Variants in RECK observed in about 807,000 individuals in gnomAD.
RECK encodes the protein reversion-inducing cysteine-rich protein with Kazal motifs.
Under a neutral mutation model 115.1 loss-of-function variants are expected in RECK, and 69 were observed. That is an observed-to-expected ratio of 0.60 (90% CI 0.49 to 0.73). The LOEUF is 0.73. Among genes scored for constraint, RECK ranks in the 30% least tolerant of loss-of-function variants. The pLI, the probability that RECK is intolerant of heterozygous loss-of-function variation, is 0.00. For missense variants in RECK, 1,047 were observed against 1,203.7 expected (o/e 0.87, Z 1.93); for synonymous variants, 414 against 419.7 (o/e 0.99, Z 0.17).
In RECK at chr9:36,037,111, C is replaced by T; in HGVS notation, c.100+13C>T. ...CCGGGCAGTGCGGGTGAGTAACCTC[C>T]AGAGCAACGGTTCGAAGCTGTCGGG... On this transcript the variant is annotated intron_variant, in intron 1 of 20. Coordinates refer to ENST00000377966, the MANE Select transcript of RECK (RefSeq NM_021111.3). 7.7e-7 allele frequency: 1 copy of T among 1,293,048 alleles called. No individual in the cohort carries two copies. The highest frequency in any genetic ancestry group is 2.4e-5 in the South Asian group (1 of 41,708). 80.1% of individuals were successfully genotyped at this position (1,293,048 alleles called of 1,614,324 possible).
intron 12 of RECK, among the ~76,000 whole-genome samples, chr9:36,103,850 A>T (rs1823655778): frequency 6.6e-6 from 1 of 152,136 alleles, no homozygotes; most frequent in Non-Finnish European, 1.5e-5. Flanking sequence ...AATGAGATGA[A>T]CTCCAAGGGC....
intron 1 of RECK, among the ~76,000 whole-genome samples, chr9:36,048,494 A>T (rs1821160211): frequency 6.6e-6 from 1 of 152,094 alleles, no homozygotes; most frequent in South Asian, 2.1e-4. Context: ...CTATTTTCCA[A>T]AGTGGCTGTT....
intron 1 of RECK, among the ~76,000 whole-genome samples, chr9:36,038,084 G>A (rs1204672227): frequency 6.6e-6 from 1 of 151,306 alleles, no homozygotes; most frequent in Non-Finnish European, 1.5e-5. Context: ...AGGTGGAGGC[G>A]GGCGGATCCC....
intron 5 of RECK, among the ~76,000 whole-genome samples, chr9:36,065,228 T>TAAAAAAA (rs561725701): frequency 0.029 from 1,458 of 50,516 alleles, 150 homozygotes; most frequent in Non-Finnish European, 0.044. Context: ...GGAATTCAGC[T>TAAAAAAA]AAAAAAAAAA....
intron 1 of RECK, among the ~76,000 whole-genome samples, chr9:36,037,423 G>T (rs888070670): frequency 6.6e-6 from 1 of 151,826 alleles, no homozygotes; most frequent in Non-Finnish European, 1.5e-5. Flanking sequence ...CCCCCGCCCA[G>T]GATCGTCGCG....
intron 16 of RECK, among the ~76,000 whole-genome samples, chr9:36,115,272 G>A (rs7045313): frequency 6.6e-6 from 1 of 151,794 alleles, no homozygotes; most frequent in Non-Finnish European, 1.5e-5. Context: ...CTGAGATCAC[G>A]CCACTGCCCT....
chr9:36,097,485 C>G (rs1823399231), intron 10 of RECK, among the ~76,000 whole-genome samples: 1 of 152,080 alleles, frequency 6.6e-6, no homozygotes, highest in Non-Finnish European at 1.5e-5. Context: ...TGAACTATCC[C>G]TTCACGTGTT....
At chr9:36,092,581 G>A (rs1049765560) in intron 10 of RECK, among the ~76,000 whole-genome samples, 4 of 139,966 alleles carry the variant, frequency 2.9e-5, no homozygotes, top group African/African-American at 8.0e-5. Context: ...TAGTAGAGAC[G>A]GGGCTTCACC....
At chr9:36,120,977 C>T (rs1001198808) in intron 19 of RECK, among the ~76,000 whole-genome samples, 1 of 152,234 alleles carries the variant, frequency 6.6e-6, no homozygotes, top group Admixed American at 6.5e-5. Context: ...TCAGCGTGAG[C>T]CTTTCTTAGA....
Position 36,116,993 on chromosome 9 carries a change from C to A in RECK, c.2069C>A (p.Pro690His), listed in dbSNP as rs1421935987. The change falls in exon 17 of 21, where the codon CCC (proline) becomes CAC (histidine). Residue 690 changes from proline (P) to histidine (H), a missense_variant. By Grantham distance (77) the Pro-to-His change is moderately conservative. Coordinates refer to ENST00000377966, the MANE Select transcript of RECK (RefSeq NM_021111.3). Reference sequence around the variant, plus strand: ...GCATTCGTCTTTTTCAGGTGCATACCCAAACCACAGGTCTGCCTGACGACT... The same window carrying A: ...GCATTCGTCTTTTTCAGGTGCATACACAAACCACAGGTCTGCCTGACGACT... ...NPCQKNQRCI[P>H]KPQVCLTTFD... 8 of 1,609,374 alleles carry A rather than the reference C, an allele frequency of 5.0e-6. No individual in the cohort carries two copies. The highest frequency in any genetic ancestry group is 8.5e-7 in the Non-Finnish European group (1 of 1,176,852).
At chr9:36,057,685 G>C (rs1225928406) in intron 2 of RECK, among the ~76,000 whole-genome samples, 1 of 152,152 alleles carries the variant, frequency 6.6e-6, no homozygotes, top group Non-Finnish European at 1.5e-5. Flanking sequence ...CCTGGCATTT[G>C]TGGCTCATGC....
intron 1 of RECK, among the ~76,000 whole-genome samples, chr9:36,049,281 A>G (rs1821191355): frequency 6.6e-6 from 1 of 152,244 alleles, no homozygotes; most frequent in South Asian, 2.1e-4. Context: ...TATGGTTGAG[A>G]TCAATCTGCA....
intron 12 of RECK, 24 bp from the exon 13 acceptor site, chr9:36,105,119 A>T: frequency 1.2e-6 from 2 of 1,607,742 alleles, no homozygotes. Context: ...GGTTGGTTAA[A>T]CTAATCTGTT....
At chr9:36,077,000 T>G (rs1281068378) in intron 6 of RECK, among the ~76,000 whole-genome samples, 1 of 152,156 alleles carries the variant, frequency 6.6e-6, no homozygotes, top group Non-Finnish European at 1.5e-5. Context: ...AACTAGATAG[T>G]GACAGCTTTT....
At chr9:36,120,901 C>A (rs545246477) in intron 19 of RECK, among the ~76,000 whole-genome samples, 165 bp downstream of exon 19, 37 of 152,348 alleles carry the variant, frequency 2.4e-4, no homozygotes, top group Non-Finnish European at 5.3e-4. Flanking sequence ...CGAGGGTTTG[C>A]ACCCAGGCTG....
chr9:36,058,396 G>A (rs1481829625), intron 2 of RECK, among the ~76,000 whole-genome samples: 2 of 135,608 alleles, frequency 1.5e-5, no homozygotes, highest in South Asian at 4.9e-4. Context: ...GTAAACTATC[G>A]CAAGAACAAA....
At chr9:36,042,215 C>A (rs1418180136) in intron 1 of RECK, among the ~76,000 whole-genome samples, 2 of 152,010 alleles carry the variant, frequency 1.3e-5, no homozygotes, top group South Asian at 4.2e-4. Context: ...CTCACTCTTC[C>A]CCTGCTGCCA....
At chr9:36,104,292 G>GTA (rs11273343) in intron 12 of RECK, among the ~76,000 whole-genome samples, 1,562 of 43,662 alleles carry the variant, frequency 0.036, 28 homozygotes, top group Non-Finnish European at 0.042. Flanking sequence ...GTGTGTGTGT[G>GTA]TATATATATA....
intron 5 of RECK, 140 bp downstream of exon 5, chr9:36,064,020 C>A (rs959585593): frequency 5.9e-6 from 4 of 678,640 alleles, no homozygotes; most frequent in Non-Finnish European, 1.0e-5. Flanking sequence ...TTTGTATAGA[C>A]CATTTCCTTT....
Sources: allele counts gnomAD v4.1 joint callset (sites outside exome capture counted in the v4.1 genomes callset), GRCh38; gene constraint gnomAD v4.1.1; transcripts MANE v1.5; gene names NCBI Gene and HGNC (gene_info 2026-07-23, HGNC 2026-07-21).